ATOSA: variants seen among roughly 807,000 people sequenced by gnomAD.
The protein encoded by ATOSA is atos homolog protein A.
chr15:52,656,071 T>C, the ATOSA span: 1 of 152,086 alleles, frequency 6.6e-6, no homozygotes, highest in Non-Finnish European at 1.5e-5. Flanking sequence ...TTGTATACTG[T>C]ATTAATAACA....
chr15:52,596,378 G>C, the ATOSA span, among the ~76,000 whole-genome samples: 2 of 152,154 alleles, frequency 1.3e-5, no homozygotes, highest in Non-Finnish European at 2.9e-5. Flanking sequence ...TTCTGAGAAA[G>C]AACAATAAAG....
the ATOSA span, among the ~76,000 whole-genome samples, chr15:52,670,345 T>A: frequency 1.3e-5 from 2 of 152,216 alleles, no homozygotes; most frequent in African/African-American, 4.8e-5. Flanking sequence ...CCATATGTTC[T>A]CAGTTTACCT....
At chr15:52,595,466 T>G in the ATOSA span, among the ~76,000 whole-genome samples, 5 of 152,106 alleles carry the variant, frequency 3.3e-5, no homozygotes, top group African/African-American at 4.8e-5. Context: ...GTTGCTGACT[T>G]TATCTGAGAT....
At chr15:52,682,944 G>C in the ATOSA span, among the ~76,000 whole-genome samples, 1 of 152,114 alleles carries the variant, frequency 6.6e-6, no homozygotes, top group Admixed American at 6.5e-5. Context: ...TTGGTTGTCT[G>C]GTTTATTCTT....
chr15:52,657,327 A>G, the ATOSA span: 1 of 152,170 alleles, frequency 6.6e-6, no homozygotes, highest in Non-Finnish European at 1.5e-5. Flanking sequence ...TATTTAGCCA[A>G]TCTTGTGTAG....
the ATOSA span, among the ~76,000 whole-genome samples, chr15:52,643,588 CTCT>C: frequency 1.4e-4 from 21 of 145,484 alleles, no homozygotes; most frequent in African/African-American, 5.6e-4. Flanking sequence ...TGGCCTTGAA[CTCT>C]TTTTTTTTTT....
chr15:52,649,599 A>G, the ATOSA span: 1 of 152,156 alleles, frequency 6.6e-6, no homozygotes, highest in African/African-American at 2.4e-5. Flanking sequence ...AGGCAAAAAC[A>G]AAAAAGAAAT....
At chr15:52,640,325 T>C in the ATOSA span, among the ~76,000 whole-genome samples, 23 of 151,832 alleles carry the variant, frequency 1.5e-4, no homozygotes, top group African/African-American at 5.3e-4. Flanking sequence ...GGCTCACACC[T>C]GTAATCCCAG....
chr15:52,693,208 T>A, the ATOSA span, among the ~76,000 whole-genome samples: 1 of 152,024 alleles, frequency 6.6e-6, no homozygotes, highest in East Asian at 1.9e-4. Context: ...TCACTTGAGG[T>A]CAGGAGTTTG....
the ATOSA span, among the ~76,000 whole-genome samples, chr15:52,637,207 A>T: frequency 6.6e-6 from 1 of 152,144 alleles, no homozygotes; most frequent in Non-Finnish European, 1.5e-5. Flanking sequence ...ATTAGAAGTG[A>T]AGTACATCAA....
At chr15:52,610,244 C>T in the ATOSA span, 6 of 1,613,812 alleles carry the variant, frequency 3.7e-6, no homozygotes, top group African/African-American at 1.3e-5. Flanking sequence ...CACGTCAAAA[C>T]TGGATAATTA....
the ATOSA span, among the ~76,000 whole-genome samples, chr15:52,707,528 C>T: frequency 6.6e-6 from 1 of 152,034 alleles, no homozygotes; most frequent in African/African-American, 2.4e-5. Flanking sequence ...AGGAATTATT[C>T]CAGATTAAAG....
the ATOSA span, among the ~76,000 whole-genome samples, chr15:52,619,651 G>A: frequency 6.6e-6 from 1 of 152,046 alleles, no homozygotes; most frequent in Non-Finnish European, 1.5e-5. Flanking sequence ...TGACCAATAT[G>A]GTGAAACCCT....
At chr15:52,700,542 A>G in the ATOSA span, among the ~76,000 whole-genome samples, 1 of 152,150 alleles carries the variant, frequency 6.6e-6, no homozygotes, top group African/African-American at 2.4e-5. Flanking sequence ...AGACCACTTC[A>G]AAAAAAGCCT....
the ATOSA span, among the ~76,000 whole-genome samples, chr15:52,607,583 C>T: frequency 6.6e-6 from 1 of 152,122 alleles, no homozygotes; most frequent in South Asian, 2.1e-4. Context: ...GTATGTCATT[C>T]TCTTTGAGTC....
the ATOSA span, among the ~76,000 whole-genome samples, chr15:52,675,909 A>C: frequency 2.0e-5 from 3 of 152,202 alleles, no homozygotes; most frequent in Admixed American, 2.0e-4. Flanking sequence ...CCGTCTCAAA[A>C]AAAAAAAAGA....
chr15:52,699,321 C>A, the ATOSA span, among the ~76,000 whole-genome samples: 1 of 152,012 alleles, frequency 6.6e-6, no homozygotes. Flanking sequence ...GGAAAAATGT[C>A]CTTGAGGGAG....
the ATOSA span, among the ~76,000 whole-genome samples, chr15:52,643,918 A>G: frequency 2.6e-5 from 4 of 151,060 alleles, no homozygotes; most frequent in Non-Finnish European, 5.9e-5. Flanking sequence ...GTCTCAAAAC[A>G]AACAAACAAA....
At chr15:52,675,531 G>A in the ATOSA span, among the ~76,000 whole-genome samples, 2 of 152,166 alleles carry the variant, frequency 1.3e-5, no homozygotes, top group African/African-American at 4.8e-5. Context: ...ACTATAATCT[G>A]AGTCTCTACA....
Sources: gnomAD v4.1 joint callset for allele counts (sites outside exome capture counted in the v4.1 genomes callset) on GRCh38, gnomAD v4.1.1 for gene constraint, MANE v1.5 for transcripts, NCBI Gene and HGNC (gene_info 2026-07-23, HGNC 2026-07-21) for gene names.